IDE: variants seen among roughly 807,000 people sequenced by gnomAD.
IDE encodes the protein insulin-degrading enzyme.
In IDE, 58 loss-of-function variants were observed where a neutral mutation model predicts 133.2. That is an observed-to-expected ratio of 0.44 (90% confidence interval 0.35 to 0.54). IDE has a LOEUF of 0.54. IDE is among the 20% of genes least tolerant of loss of function. The pLI, the probability that IDE is intolerant of heterozygous loss-of-function variation, is 0.00. For synonymous variants in IDE, 396 were observed against 421.3 expected, an observed-to-expected ratio of 0.94 and a Z score of 0.73; for missense variants, 981 against 1,234.0, an observed-to-expected ratio of 0.79 and a Z score of 3.07.
chr10:92,566,018 T>C (rs1028113977), intron 1 of IDE, among the ~76,000 whole-genome samples: 1 of 151,122 alleles, frequency 6.6e-6, no homozygotes, highest in Non-Finnish European at 1.5e-5. Context: ...AAAAAAAGAC[T>C]ACCACCACCA....
chr10:92,524,376 T>A (rs1168841966), intron 4 of IDE, among the ~76,000 whole-genome samples: 1 of 13,464 alleles, frequency 7.4e-5, no homozygotes. Flanking sequence ...TAATATATAT[T>A]ATATATAATA....
intron 17 of IDE, among the ~76,000 whole-genome samples, chr10:92,472,507 C>T (rs1846019344): frequency 6.6e-6 from 1 of 152,162 alleles, no homozygotes; most frequent in Non-Finnish European, 1.5e-5. Context: ...GTCTCCTATC[C>T]AATGCCTGAG....
intron 14 of IDE, chr10:92,480,409 T>G (rs928673589): frequency 6.6e-6 from 1 of 152,298 alleles, no homozygotes; most frequent in African/African-American, 2.4e-5. Flanking sequence ...AATAATAAAT[T>G]TAAATTTGAC....
chr10:92,530,892 A>G (rs1849886979), intron 4 of IDE, among the ~76,000 whole-genome samples: 1 of 152,234 alleles, frequency 6.6e-6, no homozygotes, highest in Admixed American at 6.5e-5. Flanking sequence ...ATGGTTTTAA[A>G]AAGTTCCCAA....
At chr10:92,498,331 T>G (rs555896894) in intron 11 of IDE, among the ~76,000 whole-genome samples, 2 of 152,248 alleles carry the variant, frequency 1.3e-5, no homozygotes, top group African/African-American at 4.8e-5. Flanking sequence ...TCTTAAAGAT[T>G]GTCTAGTGAG....
chr10:92,476,427 G>C (rs1025578640), intron 15 of IDE, among the ~76,000 whole-genome samples: 5 of 152,024 alleles, frequency 3.3e-5, no homozygotes, highest in Middle Eastern at 3.4e-3. Context: ...CATCCGCCTC[G>C]GCCTTCCAAA....
At chr10:92,497,783 T>G (rs1281836292) in intron 11 of IDE, 2 of 763,478 alleles carry the variant, frequency 2.6e-6, no homozygotes, top group African/African-American at 3.8e-5. Context: ...CAGAGACCAA[T>G]CCTGTAGAGG....
intron 22 of IDE, among the ~76,000 whole-genome samples, chr10:92,460,679 T>C (rs1409831933): frequency 6.6e-6 from 1 of 152,230 alleles, no homozygotes; most frequent in Non-Finnish European, 1.5e-5. Flanking sequence ...TCAGCAAACT[T>C]GGTTTAGAGG....
At chr10:92,458,552 A>T (rs1468494479) in intron 22 of IDE, among the ~76,000 whole-genome samples, 1 of 123,280 alleles carries the variant, frequency 8.1e-6, no homozygotes, top group Non-Finnish European at 1.6e-5. Context: ...CCCAGGCTGG[A>T]GTGCAGTGGT....
intron 1 of IDE, among the ~76,000 whole-genome samples, chr10:92,553,006 A>T (rs1226742179): frequency 6.6e-6 from 1 of 152,066 alleles, no homozygotes; most frequent in Non-Finnish European, 1.5e-5. Flanking sequence ...AGGAGCCAAA[A>T]TGAAGAAACT....
At chr10:92,572,315 T>C (rs917947975) in intron 1 of IDE, among the ~76,000 whole-genome samples, 1 of 152,236 alleles carries the variant, frequency 6.6e-6, no homozygotes, top group Non-Finnish European at 1.5e-5. Flanking sequence ...GGAGGCATCC[T>C]GCCTGTGCTT....
intron 1 of IDE, among the ~76,000 whole-genome samples, chr10:92,555,497 C>CA (rs71306837): frequency 0.33 from 30,555 of 91,766 alleles, 3,583 homozygotes; most frequent in Middle Eastern, 0.36. Flanking sequence ...AACTTTGTCT[C>CA]AAAAAAAAAA....
chr10:92,538,113 G>A (rs967002648), intron 1 of IDE, among the ~76,000 whole-genome samples: 4 of 152,184 alleles, frequency 2.6e-5, no homozygotes, highest in Non-Finnish European at 4.4e-5. Flanking sequence ...AGCTCAAGCC[G>A]TCTGTCCACC....
rs906040128 is a variant in IDE at position 92,532,456 on chromosome 10, G to GA, written c.492-540dup. ...TAGAAAAACAAACTTGAATTAGTAG[G>GA]AAAAAACATAATGCAGTAAAAAACC... On this transcript the variant is annotated intron_variant, in intron 3 of 24. Coordinates refer to ENST00000265986, the MANE Select transcript of IDE (RefSeq NM_004969.4). Among the ~76,000 whole-genome samples the GA allele has an allele frequency of 2.0e-5, 3 of 152,012 alleles. No individual in the cohort carries two copies. In the East Asian group the frequency reaches 5.8e-4, roughly 29 times the overall value.
chr10:92,551,843 T>C (rs990686636), intron 1 of IDE, among the ~76,000 whole-genome samples: 1 of 151,964 alleles, frequency 6.6e-6, no homozygotes, highest in African/African-American at 2.4e-5. Flanking sequence ...CACTTAAAAA[T>C]GCTCAAAATG....
intron 1 of IDE, among the ~76,000 whole-genome samples, chr10:92,565,830 G>A (rs186904330): frequency 7.2e-4 from 110 of 151,974 alleles, no homozygotes; most frequent in African/African-American, 2.5e-3. Flanking sequence ...CTGTTTTAAC[G>A]TCCCCATCTC....
At chr10:92,530,478 T>C (rs1422881134) in intron 4 of IDE, among the ~76,000 whole-genome samples, 1 of 151,016 alleles carries the variant, frequency 6.6e-6, no homozygotes, top group Non-Finnish European at 1.5e-5. Context: ...GTAAAGATAG[T>C]GTCTCACTAT....
chr10:92,573,786 G>A, intron 1 of IDE, 136 bp downstream of exon 1: 1 of 633,756 alleles, frequency 1.6e-6, no homozygotes, highest in Non-Finnish European at 2.5e-6. Context: ...CGGCAGTACG[G>A]GCCCCAGGCC....
intron 4 of IDE, among the ~76,000 whole-genome samples, chr10:92,522,838 A>C (rs1849304543): frequency 6.6e-6 from 1 of 152,168 alleles, no homozygotes; most frequent in African/African-American, 2.4e-5. Flanking sequence ...TAATCCACGT[A>C]AAGTGCTTAG....
Sources: allele counts gnomAD v4.1 joint callset (sites outside exome capture counted in the v4.1 genomes callset), GRCh38; gene constraint gnomAD v4.1.1; transcripts MANE v1.5; gene names NCBI Gene and HGNC (gene_info 2026-07-23, HGNC 2026-07-21).